The following KCNIP4 variants were observed in gnomAD, a reference collection of about 807,000 sequenced individuals.
The protein encoded by KCNIP4 is potassium voltage-gated channel interacting protein 4.
In KCNIP4, 12 loss-of-function variants were observed where a neutral mutation model predicts 34.0. The observed-to-expected ratio is 0.35, with a 90% CI of 0.23 to 0.57. KCNIP4 has a LOEUF of 0.57. KCNIP4 is among the 20% of genes least tolerant of loss of function. KCNIP4 has a pLI of 0.83. For synonymous variants in KCNIP4, 124 were observed against 102.2 expected, an observed-to-expected ratio of 1.21 and a Z score of -1.29; for missense variants, 238 against 311.7, an observed-to-expected ratio of 0.76 and a Z score of 1.78.
intron 1 of KCNIP4, among the ~76,000 whole-genome samples, chr4:21,789,396 C>G (rs920288631): frequency 6.9e-6 from 1 of 145,450 alleles, no homozygotes; most frequent in Non-Finnish European, 1.5e-5. Flanking sequence ...CAATGGAAAC[C>G]TCTTTTGCTT....
intron 1 of KCNIP4, among the ~76,000 whole-genome samples, chr4:21,177,595 C>T (rs1308400032): frequency 6.6e-6 from 1 of 151,818 alleles, no homozygotes; most frequent in East Asian, 1.9e-4. Flanking sequence ...TCTGGGAGGC[C>T]GAGGCAGGCA....
At chr4:21,646,871 T>C (rs1173453879) in intron 1 of KCNIP4, among the ~76,000 whole-genome samples, 2 of 152,196 alleles carry the variant, frequency 1.3e-5, no homozygotes, top group Non-Finnish European at 2.9e-5. Flanking sequence ...AGTCATTATT[T>C]AGAAGGCACA....
chr4:21,369,490 G>C (rs779565858), intron 1 of KCNIP4, among the ~76,000 whole-genome samples: 5 of 146,928 alleles, frequency 3.4e-5, no homozygotes, highest in Middle Eastern at 3.2e-3. Flanking sequence ...CCAGCATTCT[G>C]GGGGGCCAAA....
At chr4:21,588,800 T>C (rs540559816) in intron 1 of KCNIP4, among the ~76,000 whole-genome samples, 30 of 149,994 alleles carry the variant, frequency 2.0e-4, no homozygotes, top group Non-Finnish European at 4.3e-4. Context: ...ATTGTGTAAA[T>C]GTTCCTATTT....
intron 1 of KCNIP4, among the ~76,000 whole-genome samples, chr4:20,972,804 T>C (rs1335036722): frequency 1.3e-5 from 2 of 152,212 alleles, no homozygotes; most frequent in Non-Finnish European, 2.9e-5. Flanking sequence ...ACTTCAACTC[T>C]CATGAATGAT....
chr4:21,497,457 C>T (rs879902005), intron 1 of KCNIP4, among the ~76,000 whole-genome samples: 1 of 152,026 alleles, frequency 6.6e-6, no homozygotes, highest in African/African-American at 2.4e-5. Flanking sequence ...GCCCTCCCCT[C>T]TTCACATGAT....
At chr4:21,247,144 T>C (rs1251471828) in intron 1 of KCNIP4, among the ~76,000 whole-genome samples, 1 of 151,986 alleles carries the variant, frequency 6.6e-6, no homozygotes, top group Non-Finnish European at 1.5e-5. Flanking sequence ...TTGGAAGAGG[T>C]TTTGTAGAGT....
intron 1 of KCNIP4, among the ~76,000 whole-genome samples, chr4:21,896,432 C>T (rs41423649): frequency 0.012 from 1,870 of 152,106 alleles, 29 homozygotes; most frequent in African/African-American, 0.036. Context: ...GTGTTTGCAA[C>T]GAAGCTGGGG....
chr4:21,268,735 A>T (rs1545913), intron 1 of KCNIP4, among the ~76,000 whole-genome samples: 66,820 of 152,068 alleles, frequency 0.44, 15,382 homozygotes, highest in South Asian at 0.57. Flanking sequence ...ACATTTTAAA[A>T]CCCATGTGCT....
chr4:21,769,823 G>A (rs751466593), intron 1 of KCNIP4, among the ~76,000 whole-genome samples: 27 of 152,062 alleles, frequency 1.8e-4, no homozygotes, highest in East Asian at 3.9e-4. Flanking sequence ...AATTCTGTTC[G>A]TCAATAAAAA....
intron 1 of KCNIP4, among the ~76,000 whole-genome samples, chr4:21,173,025 T>C (rs1754127564): frequency 6.6e-6 from 1 of 152,164 alleles, no homozygotes; most frequent in Non-Finnish European, 1.5e-5. Flanking sequence ...TCACTGACAC[T>C]GTTTTTCTTG....
chr4:21,559,002 C>T (rs73109826), intron 1 of KCNIP4, among the ~76,000 whole-genome samples: 3,387 of 152,158 alleles, frequency 0.022, 137 homozygotes, highest in African/African-American at 0.076. Context: ...GCCTTGTAAC[C>T]TAGTGAATAA....
intron 3 of KCNIP4, among the ~76,000 whole-genome samples, chr4:20,845,105 T>A (rs1194579206): frequency 6.6e-6 from 1 of 152,102 alleles, no homozygotes; most frequent in Admixed American, 6.6e-5. Flanking sequence ...CACACCTTTT[T>A]AAATCTCCTC....
At chr4:21,097,241 T>C (rs752145865) in intron 1 of KCNIP4, among the ~76,000 whole-genome samples, 6 of 152,146 alleles carry the variant, frequency 3.9e-5, no homozygotes, top group Non-Finnish European at 8.8e-5. Context: ...GTCATAGCCA[T>C]ACAACAGAAC....
At chr4:21,607,740 A>C (rs2109137609) in intron 1 of KCNIP4, among the ~76,000 whole-genome samples, 1 of 152,108 alleles carries the variant, frequency 6.6e-6, no homozygotes, top group African/African-American at 2.4e-5. Context: ...CATGCAAGCC[A>C]CTGTCCATGA....
intron 1 of KCNIP4, among the ~76,000 whole-genome samples, chr4:21,066,128 T>C (rs531080563): frequency 1.3e-5 from 2 of 152,166 alleles, no homozygotes; most frequent in South Asian, 2.1e-4. Flanking sequence ...ATGTGGTTTG[T>C]TTATAGGATC....
At chr4:21,118,147 C>G (rs1206090150) in intron 1 of KCNIP4, among the ~76,000 whole-genome samples, 1 of 152,050 alleles carries the variant, frequency 6.6e-6, no homozygotes, top group African/African-American at 2.4e-5. Flanking sequence ...TGTGAACCAC[C>G]ACCTTATCAA....
chr4:21,014,345 C>T (rs1286116088), intron 1 of KCNIP4, among the ~76,000 whole-genome samples: 1 of 152,146 alleles, frequency 6.6e-6, no homozygotes, highest in African/African-American at 2.4e-5. Context: ...TTTTCACATT[C>T]CCCCAACACT....
intron 1 of KCNIP4, among the ~76,000 whole-genome samples, chr4:21,690,730 A>G (rs904337614): frequency 3.3e-5 from 5 of 152,214 alleles, no homozygotes; most frequent in Non-Finnish European, 5.9e-5. Flanking sequence ...ACAGCCATCA[A>G]TGTGCCTAAC....
Sources: allele counts gnomAD v4.1 joint callset (sites outside exome capture counted in the v4.1 genomes callset), GRCh38; gene constraint gnomAD v4.1.1; transcripts MANE v1.5; gene names NCBI Gene and HGNC (gene_info 2026-07-23, HGNC 2026-07-21).